Variants in ATP6V1H observed in about 807,000 individuals in gnomAD.
ATP6V1H encodes the protein ATPase H+ transporting V1 subunit H.
ATP6V1H carries 39 observed loss-of-function variants against 71.7 expected under a neutral mutation model. The ratio of observed to expected loss-of-function variants is 0.54; its 90% confidence interval spans 0.42 to 0.71. The LOEUF (loss-of-function observed/expected upper bound fraction) is 0.71. Ranked by LOEUF, ATP6V1H falls within the 30% of genes least tolerant of loss-of-function variation. The pLI is 0.00. For synonymous variants in ATP6V1H, 192 were observed against 199.3 expected (o/e 0.96, Z 0.31); for missense variants, 509 against 594.9 (o/e 0.86, Z 1.50).
rs533826448 is a variant in ATP6V1H, at chr8:53,790,265, A to G, written c.870+5382T>C. Among the ~76,000 whole-genome samples, 7 of 152,300 alleles carry G rather than the reference A, an allele frequency of 4.6e-5. No individual in the cohort carries two copies. In the East Asian group the frequency reaches 1.3e-3, roughly 29 times the overall value. On this transcript the variant is annotated intron_variant, in intron 9 of 13. Transcript: ENST00000359530. ...TCATTGGATGGCAATTCCCTTGTAA[A>G]TAACACACTTGCGTTCCAAAAGACT...
At chr8:53,796,116 G>A (rs915500330) in intron 8 of ATP6V1H, among the ~76,000 whole-genome samples, 13 of 152,114 alleles carry the variant, frequency 8.5e-5, no homozygotes, top group Non-Finnish European at 1.3e-4. Flanking sequence ...ATATGGCAAC[G>A]GGAATGGAAA....
chr8:53,747,697 G>A (rs1488659762), intron 12 of ATP6V1H, among the ~76,000 whole-genome samples: 1 of 151,712 alleles, frequency 6.6e-6, no homozygotes, highest in Non-Finnish European at 1.5e-5. Flanking sequence ...ATGCCACCAT[G>A]CCCGGCTAAT....
intron 8 of ATP6V1H, among the ~76,000 whole-genome samples, chr8:53,801,535 A>C (rs1431963902): frequency 6.6e-6 from 1 of 152,060 alleles, no homozygotes; most frequent in African/African-American, 2.4e-5. Context: ...ATTTTCTAAA[A>C]TTTTTTATAT....
At chr8:53,840,891 C>T (rs921834188) in intron 2 of ATP6V1H, among the ~76,000 whole-genome samples, 1 of 152,106 alleles carries the variant, frequency 6.6e-6, no homozygotes, top group Non-Finnish European at 1.5e-5. Flanking sequence ...TACATGAATG[C>T]TCACTTTATA....
At chr8:53,802,478 G>A (rs1405257397) in intron 7 of ATP6V1H, among the ~76,000 whole-genome samples, 1 of 152,192 alleles carries the variant, frequency 6.6e-6, no homozygotes, top group Non-Finnish European at 1.5e-5. Flanking sequence ...TACCACTTTG[G>A]GAGGCTGAGG....
At chr8:53,789,597 A>G (rs1384343725) in intron 9 of ATP6V1H, among the ~76,000 whole-genome samples, 2 of 152,174 alleles carry the variant, frequency 1.3e-5, no homozygotes, top group African/African-American at 2.4e-5. Context: ...AGGAAAAGAT[A>G]TAAGGGAAAG....
intron 4 of ATP6V1H, among the ~76,000 whole-genome samples, chr8:53,819,926 A>G (rs995308411): frequency 6.6e-6 from 1 of 151,522 alleles, no homozygotes; most frequent in Non-Finnish European, 1.5e-5. Context: ...CTTCATAAAT[A>G]AAGGTCGACA....
At chr8:53,763,461 C>T (rs1481244530) in intron 11 of ATP6V1H, among the ~76,000 whole-genome samples, 1 of 152,158 alleles carries the variant, frequency 6.6e-6, no homozygotes, top group African/African-American at 2.4e-5. Context: ...AATCAGAAAA[C>T]ATCCCAGGTT....
intron 9 of ATP6V1H, among the ~76,000 whole-genome samples, chr8:53,794,510 C>A (rs1809668121): frequency 6.6e-6 from 1 of 152,076 alleles, no homozygotes; most frequent in Admixed American, 6.5e-5. Flanking sequence ...GGATTACAGG[C>A]ACATGACACC....
intron 5 of ATP6V1H, among the ~76,000 whole-genome samples, chr8:53,815,137 T>TCAACAAACTGC (rs1198463214): frequency 1.3e-5 from 2 of 152,094 alleles, no homozygotes; most frequent in Admixed American, 6.5e-5. Flanking sequence ...AGCAATCTCT[T>TCAACAAACTGC]CAACAAACTG....
At chr8:53,743,774 G>A (rs572835076) in intron 12 of ATP6V1H, 84 bp from the exon 13 acceptor site, 10 of 835,496 alleles carry the variant, frequency 1.2e-5, no homozygotes, top group Non-Finnish European at 1.7e-5. Flanking sequence ...ATACCAACAC[G>A]CTAAAAAGGA....
At chr8:53,735,851 A>G (rs763803516) in intron 13 of ATP6V1H, among the ~76,000 whole-genome samples, 8 of 152,174 alleles carry the variant, frequency 5.3e-5, no homozygotes, top group Non-Finnish European at 8.8e-5. Flanking sequence ...CACTGCTGCT[A>G]AAGTTGCAGG....
chr8:53,833,809 T>C (rs1450714771), intron 2 of ATP6V1H, among the ~76,000 whole-genome samples: 1 of 152,096 alleles, frequency 6.6e-6, no homozygotes, highest in Non-Finnish European at 1.5e-5. Flanking sequence ...CCTCCAGAGA[T>C]AGTCTTACCA....
chr8:53,801,782 A>T lies in ATP6V1H; in HGVS notation c.677+17T>A. ...GCTTGTAAATGTTATTTTACATTAA[A>T]AGGAAAGGGCACTCACCAATTTACC... is the stretch of plus-strand genomic sequence containing the variant. On this transcript the variant is annotated intron_variant, in intron 8 of 13. Coordinates refer to ENST00000359530, the MANE Select transcript of ATP6V1H (RefSeq NM_015941.4). 1 of 1,595,948 alleles carries T rather than the reference A, an allele frequency of 6.3e-7. No individual in the cohort carries two copies.
At chr8:53,830,237 G>C (rs1465548829) in intron 3 of ATP6V1H, among the ~76,000 whole-genome samples, 1 of 152,190 alleles carries the variant, frequency 6.6e-6, no homozygotes, top group African/African-American at 2.4e-5. Flanking sequence ...ACAGCATTCA[G>C]TAATAGGTTT....
chr8:53,796,470 G>T (rs1809742074), intron 8 of ATP6V1H, among the ~76,000 whole-genome samples: 1 of 151,332 alleles, frequency 6.6e-6, no homozygotes, highest in African/African-American at 2.4e-5. Flanking sequence ...AATTGCCCTG[G>T]GGAATACCTA....
intron 7 of ATP6V1H, among the ~76,000 whole-genome samples, chr8:53,808,317 C>A (rs542938514): frequency 6.6e-6 from 1 of 152,218 alleles, no homozygotes; most frequent in Admixed American, 6.5e-5. Flanking sequence ...CGCTGTCCTG[C>A]CTTCCTCAGA....
Position 53,765,527 on chromosome 8 carries a change from AAAAG to A in ATP6V1H, c.1175+4087_1175+4090del, listed in dbSNP as rs562543419. 2.7e-3 allele frequency among the ~76,000 whole-genome samples: 414 copies of A among 151,644 alleles called. 2 individuals carry two copies. Among genetic ancestry groups the A allele is most frequent in the African/African-American group, 9.3e-3 (382 of 41,262 alleles). On this transcript the variant is annotated intron_variant, in intron 11 of 13. Transcript: ENST00000359530. ...AGACCATCAGCATTAGCACCAAAAA[AAAAG>A]AAAGAAAGAAAGAAAGAGAAATACT...
chr8:53,716,108 C>A, intron 13 of ATP6V1H, 84 bp from the exon 14 acceptor site: 2 of 1,013,152 alleles, frequency 2.0e-6, no homozygotes, highest in South Asian at 3.2e-5. Flanking sequence ...TATGCACTGT[C>A]ATATATACTT....
Sources: gnomAD v4.1 joint callset for allele counts (sites outside exome capture counted in the v4.1 genomes callset) on GRCh38, gnomAD v4.1.1 for gene constraint, MANE v1.5 for transcripts, NCBI Gene and HGNC (gene_info 2026-07-23, HGNC 2026-07-21) for gene names.